The following ELF1 variants were observed in gnomAD, a reference collection of about 807,000 sequenced individuals.
The protein encoded by ELF1 is E74 like ETS transcription factor 1.
Under a neutral mutation model 59.9 loss-of-function variants are expected in ELF1, and 24 were observed. That is an observed-to-expected ratio of 0.40 (90% CI 0.29 to 0.56). The LOEUF is 0.56. Among genes scored for constraint, ELF1 ranks in the 20% least tolerant of loss-of-function variants. The pLI, the probability that ELF1 is intolerant of heterozygous loss-of-function variation, is 0.44. For missense variants in ELF1, 627 were observed against 742.2 expected (o/e 0.84, Z 1.80); for synonymous variants, 248 against 266.2 (o/e 0.93, Z 0.67).
At chr13:40,989,344 C>T (rs1873721076) in intron 1 of ELF1, among the ~76,000 whole-genome samples, 1 of 152,138 alleles carries the variant, frequency 6.6e-6, no homozygotes, top group Admixed American at 6.5e-5. Context: ...TCATTGCACT[C>T]AGTGTTCTCA....
At chr13:41,047,815 G>A (rs1184119487) in intron 1 of ELF1, among the ~76,000 whole-genome samples, 3 of 152,152 alleles carry the variant, frequency 2.0e-5, no homozygotes, top group African/African-American at 7.2e-5. Flanking sequence ...TGTCAGACAG[G>A]GACATTTAAG....
chr13:40,967,845 G>A (rs113721958), intron 2 of ELF1, among the ~76,000 whole-genome samples: 1,568 of 151,648 alleles, frequency 0.01, 24 homozygotes, highest in African/African-American at 0.034. Context: ...CTCCTGCCTC[G>A]GCCTCCCAAA....
chr13:40,951,729 T>A (rs1870866038), intron 3 of ELF1: 1 of 185,336 alleles, frequency 5.4e-6, no homozygotes, highest in Admixed American at 5.9e-5. Context: ...TAGCTGGGCG[T>A]GGTGGCACGC....
intron 2 of ELF1, among the ~76,000 whole-genome samples, chr13:40,962,679 CAAA>C (rs542393144): frequency 5.8e-5 from 4 of 69,198 alleles, no homozygotes; most frequent in South Asian, 4.4e-4. Context: ...AAGACTGTCT[CAAA>C]AAAAAAAAAA....
intron 1 of ELF1, among the ~76,000 whole-genome samples, chr13:41,056,354 A>T (rs1043484169): frequency 2.6e-5 from 4 of 152,124 alleles, no homozygotes; most frequent in Non-Finnish European, 4.4e-5. Flanking sequence ...CTGTGTGGAT[A>T]CACTACATTT....
At chr13:41,004,293 T>C (rs556621431) in intron 1 of ELF1, among the ~76,000 whole-genome samples, 56 of 152,140 alleles carry the variant, frequency 3.7e-4, no homozygotes, top group African/African-American at 1.3e-3. Context: ...ACATGTTACT[T>C]ATTTCTAAAG....
intron 5 of ELF1, among the ~76,000 whole-genome samples, chr13:40,948,587 G>A (rs989618224): frequency 1.3e-5 from 2 of 152,170 alleles, no homozygotes; most frequent in African/African-American, 4.8e-5. Flanking sequence ...GTTACTGGGT[G>A]GGTGGTGATG....
intron 1 of ELF1, among the ~76,000 whole-genome samples, chr13:40,998,416 G>A (rs1403671895): frequency 6.6e-6 from 1 of 152,126 alleles, no homozygotes; most frequent in Non-Finnish European, 1.5e-5. Flanking sequence ...AGGAGAACAG[G>A]CTATACCATA....
chr13:41,007,722 C>T lies in ELF1; in HGVS notation c.-229+11506G>A, dbSNP rs1593392308. On this transcript the variant is annotated intron_variant, in intron 1 of 8. Coordinates refer to ENST00000239882, the MANE Select transcript of ELF1 (RefSeq NM_172373.4). The stretch of plus-strand genomic sequence containing the variant: ...AACTTTAATAAAAGTATATTTCTTC[C>T]ATATAACATTTATTTAATCAACCCC... Among the ~76,000 whole-genome samples, 3 of 152,098 alleles carry T rather than the reference C, an allele frequency of 2.0e-5. No homozygotes were observed. The South Asian group carries it at 6.2e-4, about 32-fold the overall frequency.
At chr13:41,054,395 A>G (rs1877212724) in intron 1 of ELF1, among the ~76,000 whole-genome samples, 1 of 152,204 alleles carries the variant, frequency 6.6e-6, no homozygotes, top group Admixed American at 6.5e-5. Context: ...TTTAGTCCTG[A>G]TATTTTGTCC....
chr13:40,944,676 C>T (rs988529799), intron 5 of ELF1, among the ~76,000 whole-genome samples: 5 of 152,124 alleles, frequency 3.3e-5, no homozygotes, highest in Non-Finnish European at 7.4e-5. Context: ...GGCCTAGCAG[C>T]GCCACTGCCT....
intron 1 of ELF1, among the ~76,000 whole-genome samples, chr13:41,047,467 C>T (rs1350243957): frequency 6.6e-6 from 1 of 152,012 alleles, no homozygotes; most frequent in African/African-American, 2.4e-5. Context: ...GTGTGGATGT[C>T]CTTTCTGTTT....
At chr13:41,058,982 A>AAAAG (rs141532585) in intron 1 of ELF1, among the ~76,000 whole-genome samples, 8 of 152,186 alleles carry the variant, frequency 5.3e-5, no homozygotes, top group African/African-American at 1.9e-4. Context: ...TCAACAAAAA[A>AAAAG]AAGAAGAAAA....
intron 2 of ELF1, among the ~76,000 whole-genome samples, chr13:40,968,721 C>CT (rs35089615): frequency 0.013 from 1,845 of 137,372 alleles, 17 homozygotes; most frequent in African/African-American, 0.02. Flanking sequence ...TTTCTATATT[C>CT]TTTTTTTTTT....
intron 1 of ELF1, among the ~76,000 whole-genome samples, chr13:41,038,508 C>G (rs1047156755): frequency 6.6e-6 from 1 of 151,500 alleles, no homozygotes; most frequent in African/African-American, 2.4e-5. Flanking sequence ...CAGCGAGACC[C>G]CGTCTCAAAG....
chr13:41,058,919 G>A (rs1446585376), intron 1 of ELF1, among the ~76,000 whole-genome samples: 1 of 152,248 alleles, frequency 6.6e-6, no homozygotes, highest in African/African-American at 2.4e-5. Flanking sequence ...GTTGCAGTGA[G>A]CTGAGATCGC....
At chr13:41,050,138 G>GA (rs1322805685) in intron 1 of ELF1, among the ~76,000 whole-genome samples, 8 of 152,144 alleles carry the variant, frequency 5.3e-5, no homozygotes, top group African/African-American at 1.9e-4. Context: ...TTTCAAAGCT[G>GA]AAACTCTATA....
At chr13:41,057,327 T>A (rs1415043307) in intron 1 of ELF1, among the ~76,000 whole-genome samples, 1 of 151,946 alleles carries the variant, frequency 6.6e-6, no homozygotes, top group East Asian at 1.9e-4. Flanking sequence ...TGGCTAATTT[T>A]TTTTTAATTT....
intron 1 of ELF1, among the ~76,000 whole-genome samples, chr13:41,033,614 ATTAG>A (rs1876257214): frequency 6.6e-6 from 1 of 152,202 alleles, no homozygotes; most frequent in South Asian, 2.1e-4. Flanking sequence ...CAGCCAGAGA[ATTAG>A]ATTCTCATAG....
Sources: gnomAD v4.1 joint callset for allele counts (sites outside exome capture counted in the v4.1 genomes callset) on GRCh38, gnomAD v4.1.1 for gene constraint, MANE v1.5 for transcripts, NCBI Gene and HGNC (gene_info 2026-07-23, HGNC 2026-07-21) for gene names.